Variants in NTMT2 observed in about 807,000 individuals in gnomAD.
NTMT2 encodes the protein N-terminal Xaa-Pro-Lys N-methyltransferase 2.
NTMT2 carries 21 observed loss-of-function variants against 23.4 expected under a neutral mutation model. The ratio of observed to expected loss-of-function variants is 0.90; its 90% confidence interval spans 0.64 to 1.29. NTMT2 has a LOEUF of 1.29. Ranked by LOEUF, NTMT2 falls within the 50% of genes most tolerant of loss-of-function variation. The pLI is 0.00. For synonymous variants in NTMT2, 131 were observed against 127.7 expected (o/e 1.03, Z -0.17); for missense variants, 336 against 352.0 (o/e 0.95, Z 0.36).
intron 1 of NTMT2, among the ~76,000 whole-genome samples, chr1:170,155,727 G>A (rs896266668): frequency 1.3e-5 from 2 of 152,014 alleles, no homozygotes; most frequent in African/African-American, 4.8e-5. Context: ...AGAAAGAAAA[G>A]AGGATACTCA....
chr1:170,163,040 T>C (rs1191518589), intron 2 of NTMT2, among the ~76,000 whole-genome samples: 1 of 152,114 alleles, frequency 6.6e-6, no homozygotes, highest in Non-Finnish European at 1.5e-5. Flanking sequence ...CCGTGTGGAA[T>C]GCCAAGCTGA....
intron 1 of NTMT2, among the ~76,000 whole-genome samples, chr1:170,154,184 C>T (rs1241766028): frequency 6.6e-6 from 1 of 152,080 alleles, no homozygotes; most frequent in Non-Finnish European, 1.5e-5. Flanking sequence ...TGGAGGCTGC[C>T]AAGCATCTGG....
chr1:170,155,656 G>T (rs1673151449), intron 1 of NTMT2, among the ~76,000 whole-genome samples: 1 of 151,806 alleles, frequency 6.6e-6, no homozygotes, highest in African/African-American at 2.4e-5. Context: ...TGACAAACAG[G>T]TCTAATAGCT....
At chr1:170,160,914 C>T (rs1234853430) in intron 2 of NTMT2, among the ~76,000 whole-genome samples, 2 of 152,154 alleles carry the variant, frequency 1.3e-5, no homozygotes, top group African/African-American at 4.8e-5. Context: ...TTTCACTGTC[C>T]TATCACCAAC....
chr1:170,156,281 T>C (rs1350885901), intron 1 of NTMT2, among the ~76,000 whole-genome samples: 1 of 152,124 alleles, frequency 6.6e-6, no homozygotes, highest in Non-Finnish European at 1.5e-5. Context: ...GTAATCTCCA[T>C]GAGAGAGATT....
intron 1 of NTMT2, among the ~76,000 whole-genome samples, chr1:170,155,932 A>G (rs961391717): frequency 1.3e-5 from 2 of 152,084 alleles, no homozygotes; most frequent in Non-Finnish European, 2.9e-5. Context: ...GAAAGACAGC[A>G]AAAGTCATCA....
chr1:170,148,142 C>CTTTTTTTTTTTTTT (rs371620511), intron 1 of NTMT2, among the ~76,000 whole-genome samples: 1 of 74,546 alleles, frequency 1.3e-5, no homozygotes, highest in Non-Finnish European at 2.3e-5. Flanking sequence ...TGAGGCACTC[C>CTTTTTTTTTTTTTT]TTTTTTTTTT....
chr1:170,149,297 A>G (rs1673023437), intron 1 of NTMT2, among the ~76,000 whole-genome samples: 1 of 152,264 alleles, frequency 6.6e-6, no homozygotes, highest in African/African-American at 2.4e-5. Context: ...CTCTAATGGC[A>G]GAAGCCAAAT....
chr1:170,153,847 TAGAG>T lies in NTMT2; in HGVS notation c.155-6667_155-6664del, dbSNP rs564168210. ...AGTAGATTGTGAAACAACCACTTGC[TAGAG>T]AGATTTGCATGACTAAAAGTGAGCC... On this transcript the variant is annotated intron_variant, in intron 1 of 3. Coordinates refer to ENST00000439373, the MANE Select transcript of NTMT2 (RefSeq NM_001136107.2). 2.7e-4 allele frequency among the ~76,000 whole-genome samples: 41 copies of T among 152,312 alleles called. No individual in the cohort carries two copies. The East Asian group carries it at 7.7e-3, about 29-fold the overall frequency.
At chr1:170,154,752 A>G (rs1388629809) in intron 1 of NTMT2, among the ~76,000 whole-genome samples, 1 of 151,424 alleles carries the variant, frequency 6.6e-6, no homozygotes, top group African/African-American at 2.4e-5. Flanking sequence ...TGCTGGAATG[A>G]GTTAAGACTT....
Position 170,160,635 on chromosome 1 carries a change from T to A in NTMT2, c.272T>A (p.Ile91Asn), listed in dbSNP as rs777625873. Residue 91 changes from isoleucine (I) to asparagine (N), a missense_variant, in exon 2 of 4, where the codon ATT (isoleucine) becomes AAT (asparagine). By Grantham distance (149) the Ile-to-Asn change is moderately radical. Coordinates refer to ENST00000439373, the MANE Select transcript of NTMT2 (RefSeq NM_001136107.2). ...ATEEGMMGNF[I>N]ELSSPDIQAS... is the part of the protein sequence containing the mutation. The stretch of plus-strand genomic sequence containing the variant: ...GAAGAGGGTATGATGGGAAATTTCA[T>A]TGAACTGTCCAGCCCAGACATCCAG... The A allele has an allele frequency of 3.2e-6, 5 of 1,551,270 alleles. No individual in the cohort carries two copies. In the African/African-American group the frequency reaches 6.8e-5, roughly 21 times the overall value.
Position 170,167,856 on chromosome 1 carries a change from G to A in NTMT2, c.*99G>A. 3 of 1,284,832 alleles carry A rather than the reference G, an allele frequency of 2.3e-6. No individual in the cohort carries two copies. The highest frequency in any genetic ancestry group is 3.1e-5 in the South Asian group (2 of 64,214). 79.6% of individuals were successfully genotyped at this position (1,284,832 alleles called of 1,614,324 possible). On this transcript the variant is annotated 3_prime_UTR_variant, in exon 4 of 4. Transcript: ENST00000439373. ...CTTGTAATGCAGATAGGGATGGCAA[G>A]AAAAGGGATACAACATATGTCTGCA... is the stretch of plus-strand genomic sequence containing the variant.
At chr1:170,155,886 G>C (rs1673155296) in intron 1 of NTMT2, among the ~76,000 whole-genome samples, 1 of 151,658 alleles carries the variant, frequency 6.6e-6, no homozygotes, top group Admixed American at 6.6e-5. Flanking sequence ...TTAAGATTTT[G>C]AGTGAGTATT....
chr1:170,166,621 C>T lies in NTMT2; in HGVS notation c.450C>T (p.Ser150=). The part of the protein sequence containing the change: ...NSVELVDMME[S]FLLEAQNYLQ... ...TGGAGCTGGTGGATATGATGGAATC[C>T]TTTCTCCTTGAAGCCCAGAACTACC... Residue 150 remains serine (S), a synonymous_variant, in exon 3 of 4, where the codon TCC becomes TCT. Transcript: ENST00000439373. 6.4e-7 allele frequency: 1 copy of T among 1,551,866 alleles called. No individual in the cohort carries two copies.
chr1:170,148,047 T>C (rs1672999654), intron 1 of NTMT2, among the ~76,000 whole-genome samples: 1 of 150,998 alleles, frequency 6.6e-6, no homozygotes, highest in Admixed American at 6.6e-5. Flanking sequence ...CAATGTAAAA[T>C]ACAGGAAAAA....
chr1:170,155,134 A>T lies in NTMT2; in HGVS notation c.155-5384A>T, dbSNP rs185788369. On this transcript the variant is annotated intron_variant, in intron 1 of 3. Transcript: ENST00000439373. ...GATGCCAGCGCCATGCTTCTTGTAC[A>T]GTCTGCAGAACTGTAAGCCAATTAA... 7.9e-5 allele frequency among the ~76,000 whole-genome samples: 12 copies of T among 152,214 alleles called. No homozygotes were observed. The East Asian group carries it at 2.3e-3, about 29-fold the overall frequency.
chr1:170,160,399 C>A, intron 1 of NTMT2, 119 bp from the exon 2 acceptor site: 1 of 904,542 alleles, frequency 1.1e-6, no homozygotes, highest in Non-Finnish European at 1.6e-6. Flanking sequence ...TGACTTCAAA[C>A]CAGTGCTCTT....
chr1:170,161,036 T>C (rs574228694), intron 2 of NTMT2, among the ~76,000 whole-genome samples: 1 of 152,354 alleles, frequency 6.6e-6, no homozygotes, highest in African/African-American at 2.4e-5. Context: ...AAATGATTGA[T>C]GACAGATCAT....
intron 3 of NTMT2, among the ~76,000 whole-genome samples, chr1:170,167,113 T>A (rs1184950842): frequency 6.6e-6 from 1 of 152,190 alleles, no homozygotes; most frequent in East Asian, 1.9e-4. Flanking sequence ...TTCTTAGATT[T>A]AAATCCCCAG....
Sources: allele counts gnomAD v4.1 joint callset (sites outside exome capture counted in the v4.1 genomes callset), GRCh38; gene constraint gnomAD v4.1.1; transcripts MANE v1.5; gene names NCBI Gene and HGNC (gene_info 2026-07-23, HGNC 2026-07-21).